SYNRG: variants seen among roughly 807,000 people sequenced by gnomAD.
The protein encoded by SYNRG is synergin gamma.
A neutral mutation model predicts 130.9 loss-of-function variants in SYNRG; 37 were observed. That is an observed-to-expected ratio of 0.28 (90% CI 0.22 to 0.37). The LOEUF (loss-of-function observed/expected upper bound fraction) is 0.37. Among genes scored for constraint, SYNRG ranks in the 10% least tolerant of loss-of-function variants. SYNRG has a pLI of 1.00. For synonymous variants in SYNRG, 539 were observed against 568.1 expected (o/e 0.95, Z 0.73); for missense variants, 1,338 against 1,588.9 (o/e 0.84, Z 2.68).
intron 1 of SYNRG, chr17:37,600,859 A>G (rs1035752176): frequency 1.1e-5 from 2 of 184,896 alleles, no homozygotes; most frequent in Non-Finnish European, 2.2e-5. Context: ...GAAGAAAAAG[A>G]TGAATTTTAA....
rs1423883463 is a variant in SYNRG, at chr17:37,517,728, G to A, written c.*1212C>T. 1.3e-5 allele frequency: 2 copies of A among 152,114 alleles called. No individual in the cohort carries two copies. The highest frequency in any genetic ancestry group is 1.5e-5 in the Non-Finnish European group (1 of 68,034). The allele number at this position is 152,114 out of a possible 1,614,324, so 9.4% of individuals were successfully genotyped here. On this transcript the variant is annotated 3_prime_UTR_variant, in exon 22 of 22. Coordinates refer to ENST00000612223, the MANE Select transcript of SYNRG (RefSeq NM_007247.6). ...AAACCACACAAAGTAAAGCACACGA[G>A]ATTGAAAAATCTCTTCATAAAGCGC...
intron 2 of SYNRG, among the ~76,000 whole-genome samples, chr17:37,598,648 CAGAA>C (rs2062992533): frequency 6.6e-6 from 1 of 152,142 alleles, no homozygotes; most frequent in Non-Finnish European, 1.5e-5. Flanking sequence ...CATATGTTTT[CAGAA>C]ATGATCCATG....
intron 13 of SYNRG, among the ~76,000 whole-genome samples, chr17:37,555,682 C>T (rs1396161507): frequency 2.0e-5 from 3 of 152,150 alleles, no homozygotes; most frequent in Non-Finnish European, 4.4e-5. Context: ...GGGTGTATCA[C>T]TTGAGGCCAG....
intron 6 of SYNRG, 86 bp from the exon 7 acceptor site, chr17:37,577,699 T>TTC: frequency 1.2e-6 from 1 of 830,490 alleles, no homozygotes; most frequent in Non-Finnish European, 1.7e-6. Context: ...CATATTCTTT[T>TTC]TTTTTTTTTT....
chr17:37,602,965 A>C (rs1316198699), intron 1 of SYNRG, among the ~76,000 whole-genome samples: 1 of 152,218 alleles, frequency 6.6e-6, no homozygotes, highest in South Asian at 2.1e-4. Flanking sequence ...CGGAGGTTGC[A>C]GTGAGCTGAG....
At chr17:37,562,616 T>G (rs907912665) in intron 11 of SYNRG, among the ~76,000 whole-genome samples, 1 of 152,232 alleles carries the variant, frequency 6.6e-6, no homozygotes, top group Non-Finnish European at 1.5e-5. Context: ...AAAACTAGGC[T>G]CTGGTAGCTG....
At chr17:37,588,652 C>A (rs2061891188) in intron 3 of SYNRG, among the ~76,000 whole-genome samples, 1 of 152,004 alleles carries the variant, frequency 6.6e-6, no homozygotes, top group Non-Finnish European at 1.5e-5. Context: ...TATTCTAAAT[C>A]TTGGGTGGAG....
chr17:37,568,695 C>CT, intron 11 of SYNRG, 96 bp downstream of exon 11: 1 of 1,370,162 alleles, frequency 7.3e-7, no homozygotes, highest in Non-Finnish European at 1.0e-6. Context: ...AGTAAGGAGT[C>CT]TTAATTTTTA....
chr17:37,515,362 A>G lies in SYNRG; in HGVS notation c.*3578T>C, dbSNP rs542181161. 2 of 152,048 alleles carry G rather than the reference A, an allele frequency of 1.3e-5. No homozygotes were observed. The highest frequency in any genetic ancestry group is 2.1e-4 in the South Asian group (1 of 4,816). 9.4% of individuals were successfully genotyped at this position (152,048 alleles called of 1,614,324 possible). On this transcript the variant is annotated 3_prime_UTR_variant, in exon 22 of 22. Coordinates refer to ENST00000612223, the MANE Select transcript of SYNRG (RefSeq NM_007247.6). ...TCTGACATTTGCTGGAATGGTCTAC[A>G]GCAGGCTACAATGCTCCCTTCTGAA...
At chr17:37,594,180 TATTAATTATTTTAATTATATTAATTAC>T (rs2062481086) in intron 3 of SYNRG, among the ~76,000 whole-genome samples, 1 of 109,560 alleles carries the variant, frequency 9.1e-6, no homozygotes, top group Non-Finnish European at 1.9e-5. Context: ...TTAATTACAA[TATTAATTATTTTAATTATATTAATTAC>T]AATATTAATT....
chr17:37,583,685 G>A (rs1264688522), intron 6 of SYNRG, among the ~76,000 whole-genome samples: 6 of 152,056 alleles, frequency 3.9e-5, no homozygotes, highest in African/African-American at 7.2e-5. Context: ...ATGTCAAAAC[G>A]TTGAATTTGT....
intron 9 of SYNRG, 66 bp from the exon 10 acceptor site, chr17:37,570,951 G>C (rs183011553): frequency 6.6e-7 from 1 of 1,518,148 alleles, no homozygotes; most frequent in East Asian, 2.3e-5. Context: ...ATCTGGCAGA[G>C]ACCGAAAGGT....
chr17:37,586,592 T>C, intron 3 of SYNRG, 43 bp from the exon 4 acceptor site: 1 of 1,604,352 alleles, frequency 6.2e-7, no homozygotes, highest in Non-Finnish European at 8.5e-7. Flanking sequence ...AATTTATCCC[T>C]TTAATTATCA....
chr17:37,522,048 G>C (rs1423507571), intron 19 of SYNRG, among the ~76,000 whole-genome samples: 1 of 151,694 alleles, frequency 6.6e-6, no homozygotes, highest in African/African-American at 2.4e-5. Context: ...AAGGTCACCA[G>C]CTAAAGACCA....
At chr17:37,571,189 TAC>T (rs2146001788) in intron 9 of SYNRG, among the ~76,000 whole-genome samples, 1 of 152,362 alleles carries the variant, frequency 6.6e-6, no homozygotes, top group African/African-American at 2.4e-5. Flanking sequence ...AGACTGAGAA[TAC>T]TTTATCTGTA....
rs376282247 is a variant in SYNRG, at chr17:37,565,116, T to C, written c.1482-3527A>G. On this transcript the variant is annotated intron_variant, in intron 11 of 21. Coordinates refer to ENST00000612223, the MANE Select transcript of SYNRG (RefSeq NM_007247.6). ...CCATCTCTACTAAAAATACAAAAAT[T>C]AGCTGGGTGTAGTGGCGCGTGCCTG... 5.3e-4 allele frequency among the ~76,000 whole-genome samples: 81 copies of C among 152,108 alleles called. No homozygotes were observed. In the East Asian group the frequency reaches 0.015, roughly 28 times the overall value.
rs752544258 is a variant in SYNRG at position 37,570,680 on chromosome 17, G to A, written c.1304C>T (p.Ala435Val). The change falls in exon 10 of 22, where the codon GCC becomes GTC. Residue 435 changes from alanine to valine, a missense_variant. Coordinates refer to ENST00000612223, the MANE Select transcript of SYNRG (RefSeq NM_007247.6). ...NLVGPVGGAA[A>V]QASSGFIPTY... is the part of the protein sequence containing the mutation. ...TGGTATGAAACCACTAGAAGCCTGG[G>A]CTGCAGCTCCACCCACTGGTCCAAC... 3.3e-5 allele frequency: 54 copies of A among 1,614,052 alleles called. No individual in the cohort carries two copies. Among genetic ancestry groups the A allele is most frequent in the Non-Finnish European group, 4.5e-5 (53 of 1,180,028 alleles).
chr17:37,582,838 G>A (rs1326233722), intron 6 of SYNRG, among the ~76,000 whole-genome samples: 1 of 152,030 alleles, frequency 6.6e-6, no homozygotes, highest in Admixed American at 6.6e-5. Context: ...TAGGGCAATA[G>A]AATGAGACCC....
At chr17:37,559,690 CA>C (rs904058728) in intron 13 of SYNRG, among the ~76,000 whole-genome samples, 6 of 146,928 alleles carry the variant, frequency 4.1e-5, no homozygotes, top group African/African-American at 5.0e-5. Flanking sequence ...AACTCTGTTT[CA>C]AAAAAAAAAG....
Sources: gnomAD v4.1 joint callset for allele counts (sites outside exome capture counted in the v4.1 genomes callset) on GRCh38, gnomAD v4.1.1 for gene constraint, MANE v1.5 for transcripts, NCBI Gene and HGNC (gene_info 2026-07-23, HGNC 2026-07-21) for gene names.